The following CAB39 variants were observed in gnomAD, a reference collection of about 807,000 sequenced individuals.
CAB39 encodes the protein calcium-binding protein 39.
Under a neutral mutation model 40.0 loss-of-function variants are expected in CAB39, and 8 were observed. The ratio of observed to expected loss-of-function variants is 0.20; its 90% CI spans 0.12 to 0.36. The LOEUF is 0.36. Ranked by LOEUF, CAB39 falls within the 10% of genes least tolerant of loss-of-function variation. The pLI, the probability that CAB39 is intolerant of heterozygous loss-of-function variation, is 1.00. For synonymous variants in CAB39, 156 were observed against 141.6 expected (o/e 1.10, Z -0.72); for missense variants, 270 against 401.1 (o/e 0.67, Z 2.79).
chr2:230,779,803 C>T (rs1695655228), intron 2 of CAB39, among the ~76,000 whole-genome samples: 1 of 152,152 alleles, frequency 6.6e-6, no homozygotes, highest in East Asian at 1.9e-4. Context: ...CTGCTGTAGG[C>T]ATCAGAGGAG....
At chr2:230,805,866 G>A (rs1197961067) in intron 5 of CAB39, among the ~76,000 whole-genome samples, 1 of 152,186 alleles carries the variant, frequency 6.6e-6, no homozygotes, top group Non-Finnish European at 1.5e-5. Context: ...TTTCCACGGG[G>A]CTTTCCCCAC....
intron 1 of CAB39, among the ~76,000 whole-genome samples, chr2:230,731,216 G>A (rs955167243): frequency 6.6e-6 from 1 of 152,176 alleles, no homozygotes; most frequent in Non-Finnish European, 1.5e-5. Context: ...ACAATGGGGG[G>A]TGCTATTAGA....
intron 2 of CAB39, among the ~76,000 whole-genome samples, chr2:230,774,470 G>T (rs984447534): frequency 2.6e-5 from 4 of 152,172 alleles, no homozygotes; most frequent in Admixed American, 2.0e-4. Context: ...AGGTAACTAG[G>T]GGCAGGGGTG....
At chr2:230,811,337 A>G (rs991222223) in intron 6 of CAB39, among the ~76,000 whole-genome samples, 6 of 151,748 alleles carry the variant, frequency 4.0e-5, no homozygotes, top group Non-Finnish European at 7.4e-5. Context: ...CCTGCCCTCC[A>G]CTCCCAGTAA....
intron 1 of CAB39, among the ~76,000 whole-genome samples, chr2:230,749,531 A>G (rs959445697): frequency 2.0e-5 from 3 of 152,108 alleles, no homozygotes; most frequent in Admixed American, 1.3e-4. Flanking sequence ...AACCTTTGCT[A>G]TTTTTTCTCT....
At chr2:230,808,516 G>C (rs1032330971) in intron 5 of CAB39, among the ~76,000 whole-genome samples, 1 of 152,126 alleles carries the variant, frequency 6.6e-6, no homozygotes, top group Non-Finnish European at 1.5e-5. Context: ...CTGCATCTGT[G>C]ACCCCATGGA....
At chr2:230,731,650 G>A (rs1378421593) in intron 1 of CAB39, among the ~76,000 whole-genome samples, 1 of 152,088 alleles carries the variant, frequency 6.6e-6, no homozygotes, top group African/African-American at 2.4e-5. Context: ...CTACAGACGA[G>A]CACCTGCACA....
chr2:230,800,622 C>T (rs1696073222), intron 5 of CAB39, among the ~76,000 whole-genome samples: 1 of 152,098 alleles, frequency 6.6e-6, no homozygotes, highest in Admixed American at 6.5e-5. Context: ...AGAGAGATTC[C>T]CCTGTGTGGA....
intron 2 of CAB39, among the ~76,000 whole-genome samples, chr2:230,760,414 T>C (rs2124919423): frequency 6.6e-6 from 1 of 152,320 alleles, no homozygotes; most frequent in South Asian, 2.1e-4. Flanking sequence ...GACAGGGTTG[T>C]GCTATGTTGC....
Position 230,818,560 on chromosome 2 carries a change from C to A in CAB39, c.882C>A (p.Ile294=). 1 of 1,614,164 alleles carries A rather than the reference C, an allele frequency of 6.2e-7. No individual in the cohort carries two copies. Among genetic ancestry groups the A allele is most frequent in the Non-Finnish European group, 8.5e-7 (1 of 1,180,014 alleles). The change falls in exon 9 of 9, where the codon ATC becomes ATA. Residue 294 remains isoleucine (I), a synonymous_variant. Transcript: ENST00000258418. The stretch of plus-strand genomic sequence containing the variant: ...ACAAGACGCAGCCCATCCTAGACAT[C>A]CTCCTCAAGAACCAGGCCAAACTCA... ...NPNKTQPILD[I]LLKNQAKLIE...
intron 1 of CAB39, among the ~76,000 whole-genome samples, chr2:230,758,341 G>C (rs1281483811): frequency 6.6e-6 from 1 of 150,596 alleles, no homozygotes; most frequent in Non-Finnish European, 1.5e-5. Context: ...AAGAACCTAT[G>C]ACAAAGGATA....
rs142225013 is a variant in CAB39 at position 230,804,967 on chromosome 2, A to G, written c.568-5296A>G. ...GCACACGTATATTTACTGTTGCACT[A>G]TTCACAATAGCAAAGACTTGGAACC... On this transcript the variant is annotated intron_variant, in intron 5 of 8. Transcript: ENST00000258418. Among the ~76,000 whole-genome samples the G allele has an allele frequency of 2.4e-4, 37 of 152,318 alleles. 1 individual carries two copies. Among genetic ancestry groups the G allele is most frequent in the Non-Finnish European group, 4.9e-4 (33 of 68,030 alleles).
At chr2:230,772,512 T>C (rs1451939513) in intron 2 of CAB39, among the ~76,000 whole-genome samples, 8 of 148,240 alleles carry the variant, frequency 5.4e-5, no homozygotes, top group African/African-American at 7.7e-5. Context: ...TGAGACGAAG[T>C]CTCACTCTGT....
chr2:230,748,195 A>T (rs1301792880), intron 1 of CAB39, among the ~76,000 whole-genome samples: 1 of 148,938 alleles, frequency 6.7e-6, no homozygotes, highest in Admixed American at 6.7e-5. Context: ...TCTGGGTTTG[A>T]TTTACTGCTT....
Position 230,747,028 on chromosome 2 carries a change from T to C in CAB39, c.-43-12931T>C, listed in dbSNP as rs937935264. ...TAAGGAGGGTCTTACACTTTTACTG[T>C]GGAGATCTTTATGGAGCAGCTGGTG... On this transcript the variant is annotated intron_variant, in intron 1 of 8. Transcript: ENST00000258418. Among the ~76,000 whole-genome samples the C allele has an allele frequency of 2.0e-5, 3 of 152,270 alleles. No individual in the cohort carries two copies. The South Asian group carries it at 6.2e-4, about 32-fold the overall frequency.
intron 2 of CAB39, among the ~76,000 whole-genome samples, chr2:230,785,859 T>G (rs1403505887): frequency 6.6e-6 from 1 of 150,566 alleles, no homozygotes; most frequent in Non-Finnish European, 1.5e-5. Context: ...ACTTTTGTGT[T>G]TTTTTTTTAA....
rs1001421287 is a variant in CAB39, at chr2:230,818,935, A to G, written c.*231A>G. The stretch of plus-strand genomic sequence containing the variant: ...TGATCTTTGTGTCATTTCAGAATTC[A>G]AAGACTGTGCTACGGGAGTTCTGAA... On this transcript the variant is annotated 3_prime_UTR_variant, in exon 9 of 9. Transcript: ENST00000258418. 3 of 436,302 alleles carry G rather than the reference A, an allele frequency of 6.9e-6. No individual in the cohort carries two copies. Among genetic ancestry groups the G allele is most frequent in the Admixed American group, 3.8e-5 (1 of 26,500 alleles). 27.0% of individuals were successfully genotyped at this position (436,302 alleles called of 1,614,324 possible).
intron 1 of CAB39, among the ~76,000 whole-genome samples, chr2:230,736,410 G>A (rs574680184): frequency 2.6e-4 from 40 of 151,928 alleles, no homozygotes; most frequent in African/African-American, 9.7e-4. Context: ...CATCTTCCAC[G>A]TCACCCCAGA....
At chr2:230,796,351 T>C (rs1695986735) in intron 4 of CAB39, among the ~76,000 whole-genome samples, 1 of 152,210 alleles carries the variant, frequency 6.6e-6, no homozygotes, top group African/African-American at 2.4e-5. Flanking sequence ...GAGGCGATTT[T>C]TTTTTTACTG....
Sources: gnomAD v4.1 joint callset for allele counts (sites outside exome capture counted in the v4.1 genomes callset) on GRCh38, gnomAD v4.1.1 for gene constraint, MANE v1.5 for transcripts, NCBI Gene and HGNC (gene_info 2026-07-23, HGNC 2026-07-21) for gene names.